CELF2: variants seen among roughly 807,000 people sequenced by gnomAD.
CELF2 encodes CUGBP Elav-like family member 2, also known as CUG triplet repeat RNA-binding protein 2.
CELF2 carries 8 observed loss-of-function variants against 62.6 expected under a neutral mutation model. The observed-to-expected ratio is 0.13, with a 90% CI of 0.07 to 0.23. CELF2 has a LOEUF of 0.23. Ranked by LOEUF, CELF2 falls within the 10% of genes least tolerant of loss-of-function variation. The pLI, the probability that CELF2 is intolerant of heterozygous loss-of-function variation, is 1.00. For synonymous variants in CELF2, 258 were observed against 250.0 expected, an observed-to-expected ratio of 1.03 and a Z score of -0.30; for missense variants, 333 against 671.0, an observed-to-expected ratio of 0.50 and a Z score of 5.56.
the CELF2 span, among the ~76,000 whole-genome samples, chr10:10,779,431 C>A: frequency 2.0e-5 from 3 of 152,126 alleles, no homozygotes; most frequent in Admixed American, 2.0e-4. Flanking sequence ...ATTCTTGGGC[C>A]CCGTTCATTG....
chr10:11,017,798 A>G (rs1160518734), upstream of CELF2: 7 of 240,020 alleles, frequency 2.9e-5, no homozygotes, highest in East Asian at 1.8e-4. This position sits in a 1 kb window ranked among gnomAD's most constrained non-coding sequence, Gnocchi z 5.5. Context: ...CGCGGGGCGG[A>G]GCCGGGTTCG....
intron 1 of CELF2, among the ~76,000 whole-genome samples, chr10:11,071,873 C>T (rs1167903591): frequency 1.3e-5 from 2 of 152,112 alleles, no homozygotes; most frequent in East Asian, 1.9e-4. Flanking sequence ...TGACAAGTCC[C>T]GAGTCAATGG....
chr10:10,852,107 C>T (rs561805406), intron 1 of CELF2, among the ~76,000 whole-genome samples: 4 of 152,306 alleles, frequency 2.6e-5, no homozygotes, highest in African/African-American at 9.6e-5. Context: ...GGTGTCTACT[C>T]AAGACAGAAG....
At chr10:11,133,949 T>G (rs2060002088) in intron 1 of CELF2, among the ~76,000 whole-genome samples, 1 of 152,206 alleles carries the variant, frequency 6.6e-6, no homozygotes, top group South Asian at 2.1e-4. Flanking sequence ...CCAGCAAATT[T>G]GGTTGTATTT....
At chr10:10,796,928 G>C, upstream of CELF2, 1 of 981,672 alleles carries the variant, frequency 1.0e-6, no homozygotes, top group Non-Finnish European at 1.2e-6. Context: ...TTTAATTTTA[G>C]TCTAGAGACA....
chr10:11,205,948 G>C (rs553369229), intron 2 of CELF2, among the ~76,000 whole-genome samples: 3 of 152,300 alleles, frequency 2.0e-5, no homozygotes, highest in Admixed American at 2.0e-4. Context: ...TAGCCAAAGG[G>C]TTTGCCTCTC....
At chr10:10,526,790 T>C in the CELF2 span, among the ~76,000 whole-genome samples, 1 of 152,244 alleles carries the variant, frequency 6.6e-6, no homozygotes, top group Non-Finnish European at 1.5e-5. Flanking sequence ...CTGTATCTAA[T>C]GGCACTTAAA....
chr10:10,651,700 C>G, the CELF2 span, among the ~76,000 whole-genome samples: 1 of 151,640 alleles, frequency 6.6e-6, no homozygotes, highest in African/African-American at 2.4e-5. Context: ...GAAAAGACAT[C>G]TACACCGAAA....
chr10:10,467,337 A>G, the CELF2 span, among the ~76,000 whole-genome samples: 1 of 152,044 alleles, frequency 6.6e-6, no homozygotes, highest in Non-Finnish European at 1.5e-5. Context: ...ATTACTAAAA[A>G]GACTATTCTT....
intron 1 of CELF2, among the ~76,000 whole-genome samples, chr10:10,804,278 A>G (rs1353373620): frequency 1.3e-5 from 2 of 152,224 alleles, no homozygotes; most frequent in African/African-American, 4.8e-5. Flanking sequence ...GCAGCCATAG[A>G]TGGTATGTAA....
the CELF2 span, among the ~76,000 whole-genome samples, chr10:10,749,998 C>T: frequency 6.6e-6 from 1 of 152,130 alleles, no homozygotes; most frequent in Admixed American, 6.5e-5. Flanking sequence ...AAAGCAATGC[C>T]ATAGGCCGGG....
intron 2 of CELF2, among the ~76,000 whole-genome samples, chr10:10,968,049 G>T (rs542194212): frequency 2.6e-5 from 4 of 152,200 alleles, no homozygotes; most frequent in African/African-American, 7.2e-5. Flanking sequence ...GCCCCTCTGG[G>T]TTGGTTTTAA....
intron 7 of CELF2, among the ~76,000 whole-genome samples, chr10:11,271,203 AT>A (rs1364726310): frequency 6.6e-6 from 1 of 152,248 alleles, no homozygotes; most frequent in Admixed American, 6.5e-5. Context: ...CAGAACTTCC[AT>A]TCCATGATCC....
the CELF2 span, among the ~76,000 whole-genome samples, chr10:10,708,437 A>G: frequency 6.6e-6 from 1 of 152,226 alleles, no homozygotes; most frequent in African/African-American, 2.4e-5. Flanking sequence ...AAGGGCAATG[A>G]CATTAAATGA....
chr10:11,113,863 A>T (rs748797883), intron 1 of CELF2, among the ~76,000 whole-genome samples: 12 of 152,138 alleles, frequency 7.9e-5, no homozygotes, highest in Non-Finnish European at 1.5e-4. Flanking sequence ...GGACCATCAC[A>T]TCTTGATTTT....
At chr10:10,554,248 C>T in the CELF2 span, among the ~76,000 whole-genome samples, 1 of 152,106 alleles carries the variant, frequency 6.6e-6, no homozygotes, top group Non-Finnish European at 1.5e-5. Context: ...AGCATCTGGC[C>T]CAGATGTATG....
At chr10:10,538,721 T>C in the CELF2 span, among the ~76,000 whole-genome samples, 1 of 152,226 alleles carries the variant, frequency 6.6e-6, no homozygotes, top group African/African-American at 2.4e-5. Flanking sequence ...ATTATGAGCA[T>C]GGAGAAATTA....
At chr10:11,115,356 A>G (rs1408111714) in intron 1 of CELF2, among the ~76,000 whole-genome samples, 1 of 152,162 alleles carries the variant, frequency 6.6e-6, no homozygotes, top group Non-Finnish European at 1.5e-5. Flanking sequence ...CGTTTAACAT[A>G]CTTTTCTTGG....
At chr10:10,998,077 G>C (rs943571017) in intron 2 of CELF2, among the ~76,000 whole-genome samples, 22 of 152,128 alleles carry the variant, frequency 1.4e-4, no homozygotes, top group African/African-American at 5.3e-4. Context: ...ATGTGACTTT[G>C]CTCCTATTCA....
Sources: gnomAD v4.1 joint callset for allele counts (sites outside exome capture counted in the v4.1 genomes callset) on GRCh38, gnomAD v4.1.1 for gene constraint, Gnocchi (gnomAD v3.1) non-coding constraint, MANE v1.5 for transcripts, NCBI Gene and HGNC (gene_info 2026-07-23, HGNC 2026-07-21) for gene names.